BRF1: variants seen among roughly 807,000 people sequenced by gnomAD.
The protein encoded by BRF1 is BRF1 general transcription factor IIIB subunit, also known as transcription factor IIIB 90 kDa subunit.
In BRF1, 59 loss-of-function variants were observed where a neutral mutation model predicts 81.7. The observed-to-expected ratio is 0.72, with a 90% CI of 0.59 to 0.90. The LOEUF (loss-of-function observed/expected upper bound fraction) is 0.90, where lower values mean the gene tolerates loss of function less well. Ranked by LOEUF, BRF1 falls within the 40% of genes least tolerant of loss-of-function variation. The probability of loss-of-function intolerance (pLI) is 0.00; values close to 1 mark genes in which losing one functional copy is unlikely to be tolerated. For missense variants in BRF1, 1,050 were observed against 936.3 expected, an observed-to-expected ratio of 1.12 and a Z score of -1.58; for synonymous variants, 491 against 395.6, an observed-to-expected ratio of 1.24 and a Z score of -2.86.
intron 6 of BRF1, among the ~76,000 whole-genome samples, chr14:105,229,713 C>T (rs2054432624): frequency 2.7e-5 from 3 of 111,648 alleles, no homozygotes; most frequent in Admixed American, 9.6e-5. Context: ...AGAGAGGCCA[C>T]ACCACTGTCC....
chr14:105,219,572 A>G (rs1203526426), intron 12 of BRF1: 1 of 477,640 alleles, frequency 2.1e-6, no homozygotes, highest in Non-Finnish European at 3.7e-6. Flanking sequence ...CCACTCAGGT[A>G]CAGATGGGCC....
At chr14:105,274,126 G>A (rs779783525) in intron 2 of BRF1, among the ~76,000 whole-genome samples, 4 of 152,202 alleles carry the variant, frequency 2.6e-5, no homozygotes, top group Admixed American at 1.3e-4. Context: ...ATGTTTGGGC[G>A]GAGAGAAACA....
chr14:105,211,701 G>A, intron 16 of BRF1: 2 of 345,258 alleles, frequency 5.8e-6, no homozygotes, highest in Admixed American at 4.5e-5. Context: ...CCCGCCACCT[G>A]CCAGCACCTT....
intron 3 of BRF1, among the ~76,000 whole-genome samples, chr14:105,257,737 C>T (rs2055955353): frequency 6.6e-6 from 1 of 152,168 alleles, no homozygotes; most frequent in East Asian, 1.9e-4. Flanking sequence ...GTAAGAACTA[C>T]CTGGGGAAAC....
At position 105,225,871 on chromosome 14, in the gene BRF1, C is replaced by T. The variant is rs141336509; in HGVS notation, c.1048+198G>A. 8.3e-4 allele frequency among the ~76,000 whole-genome samples: 126 copies of T among 152,348 alleles called. 3 individuals are homozygous for T. The East Asian group carries it at 0.02, about 24-fold the overall frequency. On this transcript the variant is annotated intron_variant, in intron 10 of 17. Coordinates refer to ENST00000547530, the MANE Select transcript of BRF1 (RefSeq NM_001519.4). ...CCATGTTGGCCAGGATGGTCTCCAT[C>T]TCCTGACCTCGTGATCCGCCTGCCT... is the stretch of plus-strand genomic sequence containing the variant.
chr14:105,244,701 G>A (rs1043870726), intron 5 of BRF1, among the ~76,000 whole-genome samples: 2 of 151,726 alleles, frequency 1.3e-5, no homozygotes, highest in Admixed American at 6.6e-5. Context: ...CAATAATAGG[G>A]GATTTTAACA....
At chr14:105,212,758 A>G (rs1332111897) in intron 15 of BRF1, 2 of 153,154 alleles carry the variant, frequency 1.3e-5, no homozygotes, top group African/African-American at 2.4e-5. Context: ...CGGGCGGGCA[A>G]TGAGAGGGCT....
In BRF1 at chr14:105,217,660, GC is replaced by G. The variant is rs1891556381; in HGVS notation, c.1655del (p.Gly552AlafsTer34). On this transcript the variant is annotated frameshift_variant, in exon 15 of 18. Transcript: ENST00000547530. LOFTEE classifies it high-confidence loss of function. Reference sequence around the variant, plus strand: ...GCTGTGCATCCTCCCTGTGCGGACTGCCCCCGCCGGCGCTGCTGAGGCCCCG... The same window carrying G: ...GCTGTGCATCCTCCCTGTGCGGACTGCCCCGCCGGCGCTGCTGAGGCCCCG... ...VLRGLSSAGG[G>X]SPHREDAQPE... The G allele has an allele frequency of 6.2e-7, 1 of 1,613,244 alleles. No homozygotes were observed.
At chr14:105,279,291 G>A (rs1227724852) in intron 2 of BRF1, among the ~76,000 whole-genome samples, 1 of 152,060 alleles carries the variant, frequency 6.6e-6, no homozygotes, top group Admixed American at 6.6e-5. Flanking sequence ...GTGGGAGGAG[G>A]ATTCGAAACA....
chr14:105,210,510 G>C lies in BRF1; in HGVS notation c.*41C>G, dbSNP rs751843163. 6 of 1,606,556 alleles carry C rather than the reference G, an allele frequency of 3.7e-6. No individual in the cohort carries two copies. In the Admixed American group the frequency reaches 8.3e-5, roughly 22 times the overall value. On this transcript the variant is annotated 3_prime_UTR_variant, in exon 18 of 18. Transcript: ENST00000547530. This position sits in a 1 kb window ranked among gnomAD's most constrained non-coding sequence, Gnocchi z 4.7. The stretch of plus-strand genomic sequence containing the variant: ...CCCGTCTGATGCTGAGGAGACCCGC[G>C]AGGCCCCCTGCCAGGACATCACCTG...
chr14:105,241,117 G>T (rs1343717944), intron 6 of BRF1, 148 bp downstream of exon 6: 13 of 1,292,434 alleles, frequency 1.0e-5, no homozygotes, highest in Non-Finnish European at 1.4e-5. Flanking sequence ...GGACCCCGGT[G>T]GGCCAGGCCA....
At chr14:105,211,625 G>A (rs894261660) in intron 16 of BRF1, 15 of 369,076 alleles carry the variant, frequency 4.1e-5, no homozygotes, top group South Asian at 2.7e-4. Context: ...CTCAGCCCCC[G>A]GGGGCTTGGC....
intron 5 of BRF1, among the ~76,000 whole-genome samples, chr14:105,243,106 A>G (rs1194607172): frequency 4.0e-5 from 6 of 151,636 alleles, no homozygotes. Flanking sequence ...ACAGAGTGAG[A>G]CTCTGTCTCA....
At chr14:105,308,164 T>C (rs114256868) in intron 1 of BRF1, among the ~76,000 whole-genome samples, 3,672 of 148,988 alleles carry the variant, frequency 0.025, 171 homozygotes, top group African/African-American at 0.085. Context: ...GCCTGGACCA[T>C]AGAGTGAGAC....
intron 2 of BRF1, among the ~76,000 whole-genome samples, chr14:105,279,952 G>A (rs1017188698): frequency 2.0e-5 from 3 of 152,312 alleles, no homozygotes; most frequent in Middle Eastern, 3.4e-3. Flanking sequence ...AGATGCGGAC[G>A]ACTAGAGCCA....
At chr14:105,241,546 C>G (rs752703248) in intron 5 of BRF1, 132 bp from the exon 6 acceptor site, 2 of 1,200,224 alleles carry the variant, frequency 1.7e-6, no homozygotes, top group African/African-American at 1.5e-5. Flanking sequence ...CAGTTCCCCT[C>G]CCCTGGACAA....
chr14:105,269,979 G>A lies in BRF1; in HGVS notation c.439+2742C>T, dbSNP rs958092136. On this transcript the variant is annotated intron_variant, in intron 3 of 17. Transcript: ENST00000547530. The surrounding 1 kb of genome is among the most constrained non-coding windows in gnomAD (Gnocchi z 5.0). Reference sequence around the variant, plus strand: ...TTCTAAGAGAGCAGGATCGGAGCAGGCCTCTCAGTGGGACCCCAGGGTGGA... The same window carrying A: ...TTCTAAGAGAGCAGGATCGGAGCAGACCTCTCAGTGGGACCCCAGGGTGGA... Among the ~76,000 whole-genome samples the A allele has an allele frequency of 6.6e-6, 1 of 152,068 alleles. No individual in the cohort carries two copies. Among genetic ancestry groups the A allele is most frequent in the Non-Finnish European group, 1.5e-5 (1 of 68,022 alleles).
intron 1 of BRF1, among the ~76,000 whole-genome samples, chr14:105,292,375 T>C (rs2057553938): frequency 6.6e-6 from 1 of 152,004 alleles, no homozygotes; most frequent in African/African-American, 2.4e-5. Context: ...GGTTTTTTCT[T>C]GTTTTGTTTT....
chr14:105,273,374 G>A (rs1057399570), intron 2 of BRF1, among the ~76,000 whole-genome samples: 2 of 152,132 alleles, frequency 1.3e-5, no homozygotes, highest in Admixed American at 6.5e-5. Flanking sequence ...TCAGCCCTGC[G>A]CCCGCCAGCC....
Sources: gnomAD v4.1 joint callset for allele counts (sites outside exome capture counted in the v4.1 genomes callset) on GRCh38, gnomAD v4.1.1 for gene constraint, Gnocchi (gnomAD v3.1) non-coding constraint, MANE v1.5 for transcripts, NCBI Gene and HGNC (gene_info 2026-07-23, HGNC 2026-07-21) for gene names.